DOCK1: variants seen among roughly 807,000 people sequenced by gnomAD.
The protein encoded by DOCK1 is dedicator of cytokinesis protein 1.
Under a neutral mutation model 262.7 loss-of-function variants are expected in DOCK1, and 138 were observed. That is an observed-to-expected ratio of 0.53 (90% CI 0.46 to 0.61). DOCK1 has a LOEUF of 0.61. Ranked by LOEUF, DOCK1 falls within the 20% of genes least tolerant of loss-of-function variation. The pLI is 0.00. For missense variants in DOCK1, 1,908 were observed against 2,370.7 expected (o/e 0.80, Z 4.05); for synonymous variants, 866 against 867.4 (o/e 1.00, Z 0.03).
At chr10:127,078,860 C>G (rs1037074458) in intron 23 of DOCK1, among the ~76,000 whole-genome samples, 14 of 152,202 alleles carry the variant, frequency 9.2e-5, no homozygotes, top group African/African-American at 3.4e-4. Flanking sequence ...ATCTCCTCTT[C>G]ATCCTTTTTC....
intron 31 of DOCK1, 45 bp from the exon 32 acceptor site, chr10:127,354,624 T>A (rs1222027069): frequency 6.2e-7 from 1 of 1,609,842 alleles, no homozygotes; most frequent in African/African-American, 1.3e-5. Flanking sequence ...GATTTTCAAA[T>A]GCCTTCCGGA....
intron 50 of DOCK1, among the ~76,000 whole-genome samples, chr10:127,444,576 A>G (rs927046182): frequency 6.6e-6 from 1 of 152,086 alleles, no homozygotes; most frequent in African/African-American, 2.4e-5. Context: ...CACACTTTCT[A>G]TCCCAGGACG....
At chr10:127,299,414 G>A (rs1302990731) in intron 29 of DOCK1, among the ~76,000 whole-genome samples, 2 of 152,176 alleles carry the variant, frequency 1.3e-5, no homozygotes, top group Non-Finnish European at 2.9e-5. Context: ...AAGAAGGGTG[G>A]GCTCTTAATC....
In DOCK1 at chr10:127,407,099, A is replaced by G. The variant is rs559697844; in HGVS notation, c.4123-1938A>G. 3.3e-5 allele frequency among the ~76,000 whole-genome samples: 5 copies of G among 152,230 alleles called. No individual in the cohort carries two copies. In the South Asian group the frequency reaches 1.0e-3, roughly 32 times the overall value. ...GTACTTCTAAGACATATCTAAGCACAAAGTGAAAAAGAATTCAATTCTTAA... is the reference window on the plus strand; with the variant it reads ...GTACTTCTAAGACATATCTAAGCACGAAGTGAAAAAGAATTCAATTCTTAA... On this transcript the variant is annotated intron_variant, in intron 40 of 51. Transcript: ENST00000623213.
chr10:127,102,596 G>A (rs777736880), intron 23 of DOCK1, among the ~76,000 whole-genome samples: 4 of 152,230 alleles, frequency 2.6e-5, no homozygotes, highest in African/African-American at 7.2e-5. Context: ...TTGGGAGGCC[G>A]AGGTGGGTGG....
chr10:127,156,129 C>G (rs2053019593), intron 27 of DOCK1, among the ~76,000 whole-genome samples: 2 of 152,268 alleles, frequency 1.3e-5, no homozygotes, highest in African/African-American at 4.8e-5. Context: ...ACCTTCCTGC[C>G]CTAAACCTCA....
chr10:127,237,308 C>T (rs928781544), intron 27 of DOCK1, among the ~76,000 whole-genome samples: 1 of 145,706 alleles, frequency 6.9e-6, no homozygotes, highest in African/African-American at 2.5e-5. Context: ...TGCAGTGGGC[C>T]GAGACCACAC....
chr10:127,115,019 T>C (rs966306824), intron 25 of DOCK1, among the ~76,000 whole-genome samples: 1 of 152,180 alleles, frequency 6.6e-6, no homozygotes, highest in Non-Finnish European at 1.5e-5. Flanking sequence ...CCTCCCATAG[T>C]GCTGGGGTTA....
At chr10:127,196,589 CCCG>C (rs1334954770) in intron 27 of DOCK1, among the ~76,000 whole-genome samples, 1 of 146,254 alleles carries the variant, frequency 6.8e-6, no homozygotes, top group Admixed American at 6.8e-5. Flanking sequence ...CGGGCGGAGC[CCCG>C]GGCCCCGCGG....
At chr10:127,011,409 C>T (rs1300011996) in intron 11 of DOCK1, among the ~76,000 whole-genome samples, 2 of 152,204 alleles carry the variant, frequency 1.3e-5, no homozygotes, top group Non-Finnish European at 2.9e-5. Flanking sequence ...TCAGTTCCCT[C>T]GAGTCATGTG....
chr10:127,012,397 TC>T lies in DOCK1; in HGVS notation c.1201+24del. The T allele has an allele frequency of 6.2e-7, 1 of 1,612,378 alleles. No homozygotes were observed. The highest frequency in any genetic ancestry group is 8.5e-7 in the Non-Finnish European group (1 of 1,178,506). ...AGGGTACGTATTTTCCTATTTTGTTTCTATCAGCGTGTATTTGCATGCGTTG... is the reference window on the plus strand; with the variant it reads ...AGGGTACGTATTTTCCTATTTTGTTTTATCAGCGTGTATTTGCATGCGTTG... On this transcript the variant is annotated intron_variant, in intron 12 of 51. Transcript: ENST00000623213. This position sits in a 1 kb window ranked among gnomAD's most constrained non-coding sequence, Gnocchi z 4.0.
At chr10:127,418,828 C>T (rs2068320353) in intron 45 of DOCK1, among the ~76,000 whole-genome samples, 1 of 152,238 alleles carries the variant, frequency 6.6e-6, no homozygotes, top group South Asian at 2.1e-4. Flanking sequence ...GTGGCTTTTA[C>T]AAGGTCTGGG....
chr10:127,016,979 G>GCA (rs148293973), intron 12 of DOCK1, among the ~76,000 whole-genome samples: 1 of 106,278 alleles, frequency 9.4e-6, no homozygotes, highest in South Asian at 2.8e-4. Context: ...ACATACACAC[G>GCA]CACACACACA....
rs7911659 is a variant in DOCK1 at position 127,338,014 on chromosome 10, G to A, written c.3045-992G>A. Among the ~76,000 whole-genome samples, 449 of 152,298 alleles carry A rather than the reference G, an allele frequency of 2.9e-3. 4 individuals are homozygous for A. The highest frequency in any genetic ancestry group is 0.01 in the African/African-American group (421 of 41,560). On this transcript the variant is annotated intron_variant, in intron 29 of 51. Coordinates refer to ENST00000623213, the MANE Select transcript of DOCK1 (RefSeq NM_001290223.2). Reference sequence around the variant, plus strand: ...TTAGCGGCTGTGACATGGCCAGGGCGTGGGGAGCTTCTCCAGGCACGCTTG... The same window carrying A: ...TTAGCGGCTGTGACATGGCCAGGGCATGGGGAGCTTCTCCAGGCACGCTTG...
chr10:127,286,102 A>T (rs1005967104), intron 29 of DOCK1, among the ~76,000 whole-genome samples: 4 of 152,128 alleles, frequency 2.6e-5, no homozygotes, highest in Admixed American at 2.0e-4. Context: ...GCCCTCGGAT[A>T]ACTCCATGTG....
chr10:127,420,495 A>G (rs1565078264), intron 46 of DOCK1, among the ~76,000 whole-genome samples: 1 of 152,062 alleles, frequency 6.6e-6, no homozygotes, highest in Non-Finnish European at 1.5e-5. Flanking sequence ...GGAGGCAAGG[A>G]GGGTGCTGTC....
In DOCK1 at chr10:127,278,857, T is replaced by A. The variant is rs561003327; in HGVS notation, c.3044+21428T>A. ...GGGGATCAGAGTGACAGTGTTTAGATCTGTTACTTACAAGGTGATAGGGGC... is the reference window on the plus strand; with the variant it reads ...GGGGATCAGAGTGACAGTGTTTAGAACTGTTACTTACAAGGTGATAGGGGC... On this transcript the variant is annotated intron_variant, in intron 29 of 51. Transcript: ENST00000623213. Among the ~76,000 whole-genome samples the A allele has an allele frequency of 2.6e-5, 4 of 152,306 alleles. No homozygotes were observed. In the South Asian group the frequency reaches 8.3e-4, roughly 32 times the overall value.
At chr10:127,093,223 C>CTTTGTTTCTTTCTTTCTTTCT (rs71276669) in intron 23 of DOCK1, among the ~76,000 whole-genome samples, 4 of 94,500 alleles carry the variant, frequency 4.2e-5, no homozygotes, top group African/African-American at 2.0e-4. Context: ...TCTTTCTTTT[C>CTTTGTTTCTTTCTTTCTTTCT]TTTCTTTCTT....
At chr10:127,193,075 C>T (rs777730189) in intron 27 of DOCK1, among the ~76,000 whole-genome samples, 4 of 152,082 alleles carry the variant, frequency 2.6e-5, no homozygotes, top group Non-Finnish European at 5.9e-5. Context: ...ATATTGAAGT[C>T]ACCCCATAAT....
Sources: allele counts gnomAD v4.1 joint callset (sites outside exome capture counted in the v4.1 genomes callset), GRCh38; gene constraint gnomAD v4.1.1; non-coding constraint Gnocchi (gnomAD v3.1); transcripts MANE v1.5; gene names NCBI Gene and HGNC (gene_info 2026-07-23, HGNC 2026-07-21).